Variants in ARHGEF3 observed in about 807,000 individuals in gnomAD.
The protein encoded by ARHGEF3 is 59.8 kDA protein.
In ARHGEF3, 28 loss-of-function variants were observed where a neutral mutation model predicts 63.2. The ratio of observed to expected loss-of-function variants is 0.44; its 90% CI spans 0.33 to 0.61. The LOEUF is 0.61. Among genes scored for constraint, ARHGEF3 ranks in the 20% least tolerant of loss-of-function variants. The probability of loss-of-function intolerance (pLI) is 0.03; values close to 1 mark genes in which losing one functional copy is unlikely to be tolerated. For synonymous variants in ARHGEF3, 266 were observed against 254.2 expected (o/e 1.05, Z -0.44); for missense variants, 533 against 659.3 (o/e 0.81, Z 2.10).
chr3:57,050,982 T>C (rs7622066), intron 1 of ARHGEF3, among the ~76,000 whole-genome samples: 87,092 of 152,022 alleles, frequency 0.57, 25,809 homozygotes, highest in Middle Eastern at 0.66. Context: ...AAGTCCACAG[T>C]CCCTTTTCCA....
At chr3:56,763,735 G>T (rs1275846862) in intron 2 of ARHGEF3, among the ~76,000 whole-genome samples, 1 of 151,728 alleles carries the variant, frequency 6.6e-6, no homozygotes, top group Non-Finnish European at 1.5e-5. Context: ...TTAATTTTTT[G>T]ATTTTATTTT....
At chr3:57,077,816 G>A (rs1706284675) in intron 1 of ARHGEF3, among the ~76,000 whole-genome samples, 1 of 152,104 alleles carries the variant, frequency 6.6e-6, no homozygotes, top group Non-Finnish European at 1.5e-5. Flanking sequence ...CCTTGACAAA[G>A]TTCATCTCTA....
At chr3:56,998,542 T>C (rs1702076391) in intron 2 of ARHGEF3, among the ~76,000 whole-genome samples, 1 of 152,080 alleles carries the variant, frequency 6.6e-6, no homozygotes, top group South Asian at 2.1e-4. Context: ...TATGAGCTCC[T>C]TCATGACCTC....
intron 3 of ARHGEF3, among the ~76,000 whole-genome samples, chr3:56,884,699 C>T (rs1030263563): frequency 6.6e-6 from 1 of 152,220 alleles, no homozygotes; most frequent in Non-Finnish European, 1.5e-5. Flanking sequence ...GATCACAACT[C>T]CGGGCACAGC....
exon 2 of ARHGEF3, chr3:57,035,148 A>G (rs1703898944): frequency 6.5e-7 from 1 of 1,537,764 alleles, no homozygotes. Flanking sequence ...GGAACTGTCC[A>G]TAGACTCAGT....
At chr3:56,851,822 T>C (rs1281598616) in intron 4 of ARHGEF3, among the ~76,000 whole-genome samples, 1 of 152,118 alleles carries the variant, frequency 6.6e-6, no homozygotes, top group Non-Finnish European at 1.5e-5. Flanking sequence ...TTGCCCAGGC[T>C]GGTCTTGAAC....
intron 1 of ARHGEF3, among the ~76,000 whole-genome samples, chr3:57,056,812 A>G (rs966173572): frequency 6.6e-6 from 1 of 152,036 alleles, no homozygotes; most frequent in Non-Finnish European, 1.5e-5. Flanking sequence ...ATGCACCACA[A>G]AAGACTATGG....
intron 2 of ARHGEF3, among the ~76,000 whole-genome samples, chr3:57,023,103 T>C (rs1216303388): frequency 6.6e-6 from 1 of 152,214 alleles, no homozygotes; most frequent in Non-Finnish European, 1.5e-5. Context: ...TTCACACATC[T>C]GTTTATGGTC....
intron 8 of ARHGEF3, among the ~76,000 whole-genome samples, chr3:56,735,144 C>T (rs1245049030): frequency 1.3e-5 from 2 of 152,080 alleles, no homozygotes; most frequent in East Asian, 1.9e-4. Context: ...ATTAGCCAAG[C>T]GTGGTGTTGG....
At chr3:56,874,101 CTA>C (rs1308462618) in intron 4 of ARHGEF3, among the ~76,000 whole-genome samples, 1 of 152,194 alleles carries the variant, frequency 6.6e-6, no homozygotes, top group Non-Finnish European at 1.5e-5. Flanking sequence ...TGCAATATGT[CTA>C]TGTGAACGCT....
intron 4 of ARHGEF3, among the ~76,000 whole-genome samples, chr3:56,826,831 G>A (rs2038731090): frequency 6.6e-6 from 1 of 152,124 alleles, no homozygotes; most frequent in Non-Finnish European, 1.5e-5. Flanking sequence ...CTGCTTTTTT[G>A]CTTAAATGAA....
chr3:56,940,760 C>T (rs1312594475), intron 3 of ARHGEF3: 1 of 152,036 alleles, frequency 6.6e-6, no homozygotes, highest in Non-Finnish European at 1.5e-5. Context: ...AATAAAGGAA[C>T]CCTAGTTATA....
In ARHGEF3 at chr3:56,732,366, T is replaced by C; in HGVS notation, c.1100A>G (p.Asn367Ser). Residue 367 changes from asparagine (N) to serine (S), a missense_variant, in exon 9 of 10, where the codon AAT (asparagine) becomes AGT (serine). By Grantham distance (46) the Asn-to-Ser change is conservative (BLOSUM62 1). Transcript: ENST00000296315. ...GTACAGCTGGTAGCAAAGCTGCTCA[T>C]TGTGGGTGACGGCTCGAGTGATCAC... ...VLVITRAVTH[N>S]EQLCYQLYRQ... 4 of 1,614,160 alleles carry C rather than the reference T, an allele frequency of 2.5e-6. No individual in the cohort carries two copies. Among genetic ancestry groups the C allele is most frequent in the East Asian group, 2.2e-5 (1 of 44,884 alleles).
chr3:56,842,719 C>A (rs891553569), intron 4 of ARHGEF3, among the ~76,000 whole-genome samples: 1 of 152,162 alleles, frequency 6.6e-6, no homozygotes, highest in Admixed American at 6.5e-5. Context: ...ATCCTTCTGT[C>A]CCCAAGATGG....
At chr3:56,996,868 C>CATTATTATTATTATTATT (rs369182475) in intron 2 of ARHGEF3, among the ~76,000 whole-genome samples, 1 of 139,304 alleles carries the variant, frequency 7.2e-6, no homozygotes, top group Non-Finnish European at 1.5e-5. Flanking sequence ...TTTCTTAAAA[C>CATTATTATTATTATTATT]ATTATTATTA....
intron 3 of ARHGEF3, among the ~76,000 whole-genome samples, chr3:56,928,643 C>A (rs770382942): frequency 6.6e-6 from 1 of 152,098 alleles, no homozygotes; most frequent in Admixed American, 6.5e-5. Context: ...AGCCTTTGCC[C>A]AAATCTCTCT....
chr3:56,815,468 C>A (rs1274772442), intron 4 of ARHGEF3, among the ~76,000 whole-genome samples: 1 of 152,132 alleles, frequency 6.6e-6, no homozygotes. Flanking sequence ...TGGGTTGGTT[C>A]AGCATGGTAA....
chr3:57,048,879 C>T (rs780906514), intron 1 of ARHGEF3, among the ~76,000 whole-genome samples: 6 of 152,312 alleles, frequency 3.9e-5, no homozygotes, highest in Middle Eastern at 6.8e-3. Context: ...ACCAACTTCA[C>T]CCAGCATGGC....
chr3:56,817,973 G>A (rs1578592466), intron 4 of ARHGEF3, among the ~76,000 whole-genome samples: 1 of 152,290 alleles, frequency 6.6e-6, no homozygotes, highest in East Asian at 1.9e-4. Context: ...GGCAGCTATG[G>A]ACAAGTCATT....
Sources: gnomAD v4.1 joint callset for allele counts (sites outside exome capture counted in the v4.1 genomes callset) on GRCh38, gnomAD v4.1.1 for gene constraint, MANE v1.5 for transcripts, NCBI Gene and HGNC (gene_info 2026-07-23, HGNC 2026-07-21) for gene names.